TUSC3: variants seen among roughly 807,000 people sequenced by gnomAD.
TUSC3 encodes dolichyl-diphosphooligosaccharide--protein glycosyltransferase subunit TUSC3.
TUSC3 carries 45 observed loss-of-function variants against 44.8 expected under a neutral mutation model. The ratio of observed to expected loss-of-function variants is 1.00; its 90% CI spans 0.79 to 1.29. The LOEUF is 1.29. Among genes scored for constraint, TUSC3 ranks in the 50% most tolerant of loss-of-function variants. The pLI is 0.00. For missense variants in TUSC3, 519 were observed against 437.9 expected, an observed-to-expected ratio of 1.19 and a Z score of -1.65; for synonymous variants, 212 against 152.9, an observed-to-expected ratio of 1.39 and a Z score of -2.85.
At chr8:15,457,774 TAATA>T (rs906006431) in intron 1 of TUSC3, among the ~76,000 whole-genome samples, 3 of 148,002 alleles carry the variant, frequency 2.0e-5, no homozygotes, top group Admixed American at 6.8e-5. Context: ...TTAGATAATC[TAATA>T]AATTAGATTA....
chr8:15,820,013 C>A, the TUSC3 span, among the ~76,000 whole-genome samples: 1 of 152,064 alleles, frequency 6.6e-6, no homozygotes, highest in African/African-American at 2.4e-5. Flanking sequence ...TTTTCTTATA[C>A]GTACTTTATC....
intron 6 of TUSC3, among the ~76,000 whole-genome samples, chr8:15,674,978 C>T (rs775253470): frequency 1.3e-5 from 2 of 152,038 alleles, no homozygotes; most frequent in Non-Finnish European, 2.9e-5. Context: ...TTAGCCCTTT[C>T]CTCTCTTCCT....
chr8:15,506,075 C>T (rs2129127639), intron 2 of TUSC3, among the ~76,000 whole-genome samples: 1 of 152,294 alleles, frequency 6.6e-6, no homozygotes, highest in South Asian at 2.1e-4. Context: ...TGATTGTAAA[C>T]CTGCCTTGAC....
the TUSC3 span, among the ~76,000 whole-genome samples, chr8:15,801,338 A>G: frequency 2.0e-5 from 3 of 152,134 alleles, no homozygotes; most frequent in African/African-American, 7.2e-5. Context: ...TATGGAGTTG[A>G]GGGGCTGTAA....
chr8:15,601,284 C>G (rs995985172), intron 1 of TUSC3, among the ~76,000 whole-genome samples: 7 of 151,596 alleles, frequency 4.6e-5, no homozygotes, highest in African/African-American at 1.7e-4. Context: ...TTGTTTCCCC[C>G]CCGTTGCCTA....
intron 6 of TUSC3, among the ~76,000 whole-genome samples, chr8:15,688,034 A>G (rs1472121443): frequency 6.6e-6 from 1 of 152,178 alleles, no homozygotes; most frequent in Non-Finnish European, 1.5e-5. Flanking sequence ...AAAGAGAAGA[A>G]TCAGTCCTCC....
chr8:15,835,593 G>C, the TUSC3 span, among the ~76,000 whole-genome samples: 1 of 151,966 alleles, frequency 6.6e-6, no homozygotes, highest in Non-Finnish European at 1.5e-5. Flanking sequence ...ATAAGTTCAA[G>C]TTTTATTTTA....
intron 6 of TUSC3, among the ~76,000 whole-genome samples, chr8:15,700,441 CA>C (rs934684980): frequency 6.6e-6 from 1 of 151,916 alleles, no homozygotes; most frequent in African/African-American, 2.4e-5. Context: ...GCTGTGTGAA[CA>C]GAGTAAGTAG....
chr8:15,843,939 A>C, the TUSC3 span, among the ~76,000 whole-genome samples: 1 of 152,084 alleles, frequency 6.6e-6, no homozygotes, highest in South Asian at 2.1e-4. Context: ...TTGTGTTTGG[A>C]AACTCAGTCT....
intron 1 of TUSC3, among the ~76,000 whole-genome samples, chr8:15,582,307 T>A (rs1299918268): frequency 6.6e-6 from 1 of 152,196 alleles, no homozygotes; most frequent in African/African-American, 2.4e-5. Context: ...CCGGAGCTGT[T>A]CCTGTTCAGC....
chr8:15,528,051 CCT>C (rs1801399056), intron 2 of TUSC3, among the ~76,000 whole-genome samples: 1 of 151,794 alleles, frequency 6.6e-6, no homozygotes, highest in Non-Finnish European at 1.5e-5. Flanking sequence ...GAATTTAGTC[CCT>C]GAAATAGATG....
At chr8:15,682,952 T>C (rs146695111) in intron 6 of TUSC3, among the ~76,000 whole-genome samples, 37 of 152,254 alleles carry the variant, frequency 2.4e-4, no homozygotes, top group African/African-American at 8.7e-4. Flanking sequence ...GAATTTTGTT[T>C]CTTGAAGAAT....
At chr8:15,747,944 T>C (rs940162372) in intron 8 of TUSC3, among the ~76,000 whole-genome samples, 10 of 152,126 alleles carry the variant, frequency 6.6e-5, no homozygotes, top group Non-Finnish European at 1.3e-4. Context: ...AGATCAAAAT[T>C]ATATTAAGCA....
At chr8:15,656,876 C>T (rs558755243) in intron 3 of TUSC3, among the ~76,000 whole-genome samples, 32 of 152,324 alleles carry the variant, frequency 2.1e-4, no homozygotes, top group Non-Finnish European at 4.1e-4. Context: ...ACGTGCAGAG[C>T]TAGTGCCCAG....
At chr8:15,831,766 C>T in the TUSC3 span, among the ~76,000 whole-genome samples, 1 of 152,016 alleles carries the variant, frequency 6.6e-6, no homozygotes, top group African/African-American at 2.4e-5. Flanking sequence ...AAGGGACAAA[C>T]AAAATCTACA....
intron 7 of TUSC3, among the ~76,000 whole-genome samples, chr8:15,732,797 T>C (rs1810779037): frequency 6.6e-6 from 1 of 152,184 alleles, no homozygotes; most frequent in East Asian, 1.9e-4. Flanking sequence ...AAGATACCTT[T>C]CTGAAACTCA....
the TUSC3 span, among the ~76,000 whole-genome samples, chr8:15,836,213 T>C: frequency 7.9e-5 from 12 of 152,024 alleles, no homozygotes; most frequent in African/African-American, 2.9e-4. Context: ...TGGTAGTACA[T>C]GCCTGTAATC....
chr8:15,604,324 G>A (rs1379847393), intron 1 of TUSC3, among the ~76,000 whole-genome samples: 1 of 151,472 alleles, frequency 6.6e-6, no homozygotes, highest in Admixed American at 6.6e-5. Flanking sequence ...GAATTCAGAG[G>A]TACCTGTAGT....
intron 1 of TUSC3, among the ~76,000 whole-genome samples, chr8:15,458,972 T>C (rs1382043810): frequency 2.6e-5 from 4 of 152,210 alleles, no homozygotes; most frequent in Non-Finnish European, 5.9e-5. Flanking sequence ...AGTTAATCTT[T>C]TCACCAAATA....
Sources: allele counts gnomAD v4.1 joint callset (sites outside exome capture counted in the v4.1 genomes callset), GRCh38; gene constraint gnomAD v4.1.1; transcripts MANE v1.5; gene names NCBI Gene and HGNC (gene_info 2026-07-23, HGNC 2026-07-21).